PPFIA1: variants seen among roughly 807,000 people sequenced by gnomAD.
PPFIA1 encodes the protein liprin-alpha-1.
In PPFIA1, 25 loss-of-function variants were observed where a neutral mutation model predicts 149.9. The observed-to-expected ratio is 0.17, with a 90% CI of 0.12 to 0.23. The LOEUF (loss-of-function observed/expected upper bound fraction) is 0.23. Ranked by LOEUF, PPFIA1 falls within the 10% of genes least tolerant of loss-of-function variation. PPFIA1 has a pLI of 1.00. For missense variants in PPFIA1, 1,362 were observed against 1,506.5 expected, an observed-to-expected ratio of 0.90 and a Z score of 1.59; for synonymous variants, 549 against 552.8, an observed-to-expected ratio of 0.99 and a Z score of 0.10.
chr11:70,362,359 G>A lies in PPFIA1; in HGVS notation c.2736G>A (p.Ser912=), dbSNP rs993610403. The part of the protein sequence containing the change: ...RANVKSGAIM[S]ALSDTEIQRE... ...ACGTGAAAAGCGGGGCCATCATGTC[G>A]GCCCTGTCCGACACAGAGATCCAGC... is the stretch of plus-strand genomic sequence containing the variant. Residue 912 remains serine, a synonymous_variant, in exon 21 of 28, where the codon TCG becomes TCA. Coordinates refer to ENST00000253925, the MANE Select transcript of PPFIA1 (RefSeq NM_003626.5). The A allele has an allele frequency of 5.6e-6, 9 of 1,614,040 alleles. No individual in the cohort carries two copies. The highest frequency in any genetic ancestry group is 2.2e-5 in the East Asian group (1 of 44,888).
intron 26 of PPFIA1, 23 bp downstream of exon 26, chr11:70,378,218 C>T (rs745858313): frequency 1.9e-6 from 3 of 1,602,182 alleles, no homozygotes; most frequent in African/African-American, 2.7e-5. Flanking sequence ...TCACACTAAC[C>T]TGTCACTTGT....
intron 2 of PPFIA1, among the ~76,000 whole-genome samples, chr11:70,296,802 A>G (rs1326116816): frequency 1.3e-5 from 2 of 150,882 alleles, no homozygotes; most frequent in Non-Finnish European, 3.0e-5. Flanking sequence ...TCTTTATCAC[A>G]TTTGTTTCTT....
Position 70,348,377 on chromosome 11 carries a change from A to G in PPFIA1, c.2120A>G (p.His707Arg). The G allele has an allele frequency of 6.2e-7, 1 of 1,613,904 alleles. No homozygotes were observed. The highest frequency in any genetic ancestry group is 8.5e-7 in the Non-Finnish European group (1 of 1,179,846). ...CGCTCCACCCCACGAAGGATCCCTC[A>G]CAGCCCAGCTCGGGAAGTGGACAGA... The part of the protein sequence containing the change: ...SGRSTPRRIP[H>R]SPAREVDRLG... The change falls in exon 16 of 28, where the codon CAC becomes CGC. Residue 707 changes from histidine to arginine, a missense_variant. His to Arg is a conservative substitution (Grantham distance 29). Around this residue, in one of 7 missense-constraint regions of PPFIA1, gnomAD observed 733 missense variants for 744.1 expected, o/e 0.99. Coordinates refer to ENST00000253925, the MANE Select transcript of PPFIA1 (RefSeq NM_003626.5).
At chr11:70,307,167 G>A (rs1366683530) in intron 2 of PPFIA1, among the ~76,000 whole-genome samples, 1 of 152,174 alleles carries the variant, frequency 6.6e-6, no homozygotes, top group African/African-American at 2.4e-5. Context: ...GGATAATTTC[G>A]CAGTATCTTT....
At chr11:70,300,678 C>T (rs1204544539) in intron 2 of PPFIA1, among the ~76,000 whole-genome samples, 2 of 152,056 alleles carry the variant, frequency 1.3e-5, no homozygotes, top group Admixed American at 6.6e-5. Context: ...GGACTACAGG[C>T]GCCCGCCACC....
intron 23 of PPFIA1, among the ~76,000 whole-genome samples, chr11:70,373,007 C>T (rs1052840346): frequency 1.3e-5 from 2 of 152,100 alleles, no homozygotes; most frequent in South Asian, 2.1e-4. Flanking sequence ...GTTCTGCTCC[C>T]GGAGGGGAAG....
intron 2 of PPFIA1, among the ~76,000 whole-genome samples, chr11:70,315,882 C>T (rs1401446626): frequency 6.6e-6 from 1 of 151,958 alleles, no homozygotes; most frequent in African/African-American, 2.4e-5. Context: ...ATCTCACCCT[C>T]CCCACCCAGC....
At chr11:70,292,951 C>T (rs1472111133) in intron 2 of PPFIA1, among the ~76,000 whole-genome samples, 1 of 152,178 alleles carries the variant, frequency 6.6e-6, no homozygotes, top group Non-Finnish European at 1.5e-5. Flanking sequence ...GATCCCCTTC[C>T]ACTCCTTGCA....
intron 19 of PPFIA1, among the ~76,000 whole-genome samples, chr11:70,359,647 C>G (rs1216936813): frequency 6.6e-6 from 1 of 152,194 alleles, no homozygotes; most frequent in African/African-American, 2.4e-5. Flanking sequence ...CCTCCCATCC[C>G]TTACATACTG....
At chr11:70,337,916 T>G (rs1428979782) in intron 12 of PPFIA1, among the ~76,000 whole-genome samples, 5 of 152,202 alleles carry the variant, frequency 3.3e-5, no homozygotes, top group African/African-American at 1.2e-4. Context: ...ATTACAGGGC[T>G]CAGTAGCCAC....
chr11:70,313,352 C>T (rs1157247775), intron 2 of PPFIA1, among the ~76,000 whole-genome samples: 2 of 152,144 alleles, frequency 1.3e-5, no homozygotes, highest in African/African-American at 4.8e-5. Context: ...GGGCTTTGGG[C>T]TTGACCTTAA....
At chr11:70,354,514 A>G in intron 17 of PPFIA1, 62 bp downstream of exon 17, 1 of 1,497,554 alleles carries the variant, frequency 6.7e-7, no homozygotes, top group Admixed American at 2.4e-5. Flanking sequence ...GGTGTTGAGA[A>G]ATCGACAAAT....
In PPFIA1 at chr11:70,362,492, C is replaced by T. The variant is rs371464328; in HGVS notation, c.2865+4C>T. On this transcript the variant is annotated splice_donor_region_variant and intron_variant, in intron 21 of 27. Transcript: ENST00000253925. ...TGCCCCGCCCACATCTAGAACGGTA[C>T]GTTCAGAGACAACCCCTGCATTCTT... 1.8e-5 allele frequency: 29 copies of T among 1,587,060 alleles called. No individual in the cohort carries two copies. The highest frequency in any genetic ancestry group is 4.5e-5 in the East Asian group (2 of 44,568).
intron 16 of PPFIA1, 43 bp downstream of exon 16, chr11:70,348,463 C>G: frequency 6.9e-7 from 1 of 1,453,964 alleles, no homozygotes; most frequent in Admixed American, 1.7e-5. Flanking sequence ...CCTCAGCATA[C>G]CTGTATGAAA....
chr11:70,277,282 A>G (rs888797939), intron 2 of PPFIA1, among the ~76,000 whole-genome samples: 1 of 151,508 alleles, frequency 6.6e-6, no homozygotes, highest in Non-Finnish European at 1.5e-5. Flanking sequence ...TCCCAAAACA[A>G]TGGGATCCAG....
chr11:70,306,196 A>G (rs1478409706), intron 2 of PPFIA1, among the ~76,000 whole-genome samples: 1 of 151,050 alleles, frequency 6.6e-6, no homozygotes, highest in Non-Finnish European at 1.5e-5. Context: ...TCGTCAATGG[A>G]GAAATGGATT....
At chr11:70,277,648 A>T (rs2050492830) in intron 2 of PPFIA1, among the ~76,000 whole-genome samples, 1 of 151,806 alleles carries the variant, frequency 6.6e-6, no homozygotes. Flanking sequence ...ATGCCACCAC[A>T]TCCGGCTAAT....
intron 2 of PPFIA1, among the ~76,000 whole-genome samples, chr11:70,314,996 C>T (rs1005457240): frequency 6.6e-6 from 1 of 152,150 alleles, no homozygotes; most frequent in Non-Finnish European, 1.5e-5. Context: ...ATGCCAGACA[C>T]TTATAAAATC....
rs1427396562 is a variant in PPFIA1 at position 70,383,340 on chromosome 11, A to T, written c.*350A>T. The T allele has an allele frequency of 1.0e-5, 2 of 199,454 alleles. No homozygotes were observed. Among genetic ancestry groups the T allele is most frequent in the African/African-American group, 4.8e-5 (2 of 41,668 alleles). The allele number at this position is 199,454 out of a possible 1,614,324, so 12.4% of individuals were successfully genotyped here. On this transcript the variant is annotated 3_prime_UTR_variant, in exon 28 of 28. Coordinates refer to ENST00000253925, the MANE Select transcript of PPFIA1 (RefSeq NM_003626.5). ...TGTACTGTAATGCTTGTATGTATAA[A>T]TCCTATGAATAGAGGGCTTTTGTAA...
Sources: gnomAD v4.1 joint callset for allele counts (sites outside exome capture counted in the v4.1 genomes callset) on GRCh38, gnomAD v4.1.1 for gene constraint, gnomAD v4.1.1 regional missense constraint, MANE v1.5 for transcripts, NCBI Gene and HGNC (gene_info 2026-07-23, HGNC 2026-07-21) for gene names.